Variants in SLC24A2 observed in about 807,000 individuals in gnomAD.
SLC24A2 encodes solute carrier family 24 member 2.
A neutral mutation model predicts 62.0 loss-of-function variants in SLC24A2; 36 were observed. The ratio of observed to expected loss-of-function variants is 0.58; its 90% CI spans 0.44 to 0.77. SLC24A2 has a LOEUF of 0.77. Ranked by LOEUF, SLC24A2 falls within the 30% of genes least tolerant of loss-of-function variation. The pLI, the probability that SLC24A2 is intolerant of heterozygous loss-of-function variation, is 0.00. For missense variants in SLC24A2, 846 were observed against 817.9 expected (o/e 1.03, Z -0.42); for synonymous variants, 358 against 294.0 (o/e 1.22, Z -2.23).
chr9:20,213,369 A>G, the SLC24A2 span, among the ~76,000 whole-genome samples: 1 of 151,758 alleles, frequency 6.6e-6, no homozygotes, highest in Non-Finnish European at 1.5e-5. Flanking sequence ...TGTTTTCATT[A>G]TTAAGCAAGA....
the SLC24A2 span, among the ~76,000 whole-genome samples, chr9:20,305,360 C>T: frequency 2.6e-5 from 4 of 152,108 alleles, no homozygotes; most frequent in Non-Finnish European, 5.9e-5. Flanking sequence ...CCCCCTCGGC[C>T]TCCCAAAGTG....
intron 2 of SLC24A2, among the ~76,000 whole-genome samples, chr9:19,669,571 C>T (rs1213981688): frequency 6.6e-6 from 1 of 152,222 alleles, no homozygotes; most frequent in Non-Finnish European, 1.5e-5. Context: ...AAAGTCTCTG[C>T]AGGGCTGATA....
intron 2 of SLC24A2, among the ~76,000 whole-genome samples, chr9:19,643,748 C>T (rs1818567582): frequency 6.6e-6 from 1 of 152,200 alleles, no homozygotes; most frequent in African/African-American, 2.4e-5. Flanking sequence ...TCTCTATTAA[C>T]TTGTTGCTTA....
the SLC24A2 span, among the ~76,000 whole-genome samples, chr9:19,894,060 A>G: frequency 6.6e-6 from 1 of 152,236 alleles, no homozygotes; most frequent in Non-Finnish European, 1.5e-5. Context: ...ACTGATAAAC[A>G]TAATCTATTC....
At position 19,786,639 on chromosome 9, in the gene SLC24A2, A is replaced by C. The variant is rs1404235261; in HGVS notation, c.228T>G (p.Pro76=). The change falls in exon 2 of 11, where the codon CCT becomes CCG. Residue 76 remains proline, a synonymous_variant. Coordinates refer to ENST00000341998, the MANE Select transcript of SLC24A2 (RefSeq NM_020344.4). The surrounding 1 kb of genome is among the most constrained non-coding windows in gnomAD (Gnocchi z 5.0). ...STGEASVVSG[P]RVAQGYHQRT... ...TCTGATGGTAACCCTGTGCTACCCT[A>C]GGGCCACTTACAACACTGGCCTCTC... 1.2e-6 allele frequency: 2 copies of C among 1,614,114 alleles called. No homozygotes were observed. The highest frequency in any genetic ancestry group is 2.2e-5 in the South Asian group (2 of 91,078).
the SLC24A2 span, among the ~76,000 whole-genome samples, chr9:20,076,981 T>C: frequency 6.6e-6 from 1 of 150,426 alleles, no homozygotes; most frequent in African/African-American, 2.4e-5. Flanking sequence ...AAAAGGGGGT[T>C]CTACCATTTG....
chr9:19,949,653 G>A, the SLC24A2 span, among the ~76,000 whole-genome samples: 1 of 152,212 alleles, frequency 6.6e-6, no homozygotes, highest in Non-Finnish European at 1.5e-5. Context: ...TTTGGCTAAT[G>A]AGTAGTGTAC....
At chr9:19,568,367 AG>A (rs1385897941) in intron 7 of SLC24A2, among the ~76,000 whole-genome samples, 2 of 152,200 alleles carry the variant, frequency 1.3e-5, no homozygotes. Context: ...TGGCTCAGAA[AG>A]GACTCTCAAA....
rs75384786 is a variant in SLC24A2 at position 19,586,572 on chromosome 9, T to C, written c.1130-9550A>G. Among the ~76,000 whole-genome samples, 104 of 152,226 alleles carry C rather than the reference T, an allele frequency of 6.8e-4. 5 individuals carry two copies. In the East Asian group the frequency reaches 0.019, roughly 27 times the overall value. On this transcript the variant is annotated intron_variant, in intron 5 of 10. Transcript: ENST00000341998. ...AGACTAATAGTGTTTATAATTAATG[T>C]TTATTTTAATACCCCCTCCCTTTTT... is the stretch of plus-strand genomic sequence containing the variant.
chr9:19,623,562 G>T (rs1316636983), intron 2 of SLC24A2, among the ~76,000 whole-genome samples: 1 of 152,112 alleles, frequency 6.6e-6, no homozygotes, highest in African/African-American at 2.4e-5. Context: ...CAAATTATTT[G>T]CTATGTGCCA....
the SLC24A2 span, among the ~76,000 whole-genome samples, chr9:19,977,023 G>A: frequency 6.6e-6 from 1 of 152,062 alleles, no homozygotes; most frequent in African/African-American, 2.4e-5. Context: ...GGCCATGTCA[G>A]GAAAAAATAT....
At chr9:19,677,421 G>T (rs990109454) in intron 2 of SLC24A2, among the ~76,000 whole-genome samples, 4 of 152,154 alleles carry the variant, frequency 2.6e-5, no homozygotes, top group African/African-American at 9.7e-5. Flanking sequence ...CACACAGTGG[G>T]GTCTATCAGA....
chr9:19,685,182 A>C (rs1819844184), intron 2 of SLC24A2, among the ~76,000 whole-genome samples: 1 of 152,126 alleles, frequency 6.6e-6, no homozygotes, highest in African/African-American at 2.4e-5. Context: ...AGAAGAAAAT[A>C]CCTAGGAACA....
intron 2 of SLC24A2, among the ~76,000 whole-genome samples, chr9:19,653,261 G>A (rs914279485): frequency 6.6e-6 from 1 of 152,200 alleles, no homozygotes; most frequent in African/African-American, 2.4e-5. Flanking sequence ...ACTCTCCTGT[G>A]TGCTGTAGCT....
At chr9:19,921,289 C>T in the SLC24A2 span, among the ~76,000 whole-genome samples, 6 of 151,948 alleles carry the variant, frequency 3.9e-5, no homozygotes, top group South Asian at 4.2e-4. Context: ...TTTGGGAGGC[C>T]GAGGTGGGCG....
the SLC24A2 span, among the ~76,000 whole-genome samples, chr9:20,096,570 C>A: frequency 6.6e-6 from 1 of 152,044 alleles, no homozygotes; most frequent in Non-Finnish European, 1.5e-5. Context: ...GGCATTTTAT[C>A]TCTGAATCTC....
At chr9:19,582,311 T>G (rs1188299081) in intron 5 of SLC24A2, among the ~76,000 whole-genome samples, 1 of 152,192 alleles carries the variant, frequency 6.6e-6, no homozygotes, top group Non-Finnish European at 1.5e-5. Flanking sequence ...TGCTGTTAAT[T>G]AAAACAGCCC....
chr9:19,753,677 G>A (rs1412560427), intron 2 of SLC24A2, among the ~76,000 whole-genome samples: 1 of 152,072 alleles, frequency 6.6e-6, no homozygotes, highest in African/African-American at 2.4e-5. Context: ...CAAGCACACT[G>A]TTGGCCTACT....
intron 2 of SLC24A2, among the ~76,000 whole-genome samples, chr9:19,709,431 T>C (rs1820642993): frequency 6.6e-6 from 1 of 152,266 alleles, no homozygotes; most frequent in Non-Finnish European, 1.5e-5. Flanking sequence ...TTATAAATCA[T>C]GCCGTTATAA....
Sources: gnomAD v4.1 joint callset for allele counts (sites outside exome capture counted in the v4.1 genomes callset) on GRCh38, gnomAD v4.1.1 for gene constraint, Gnocchi (gnomAD v3.1) non-coding constraint, MANE v1.5 for transcripts, NCBI Gene and HGNC (gene_info 2026-07-23, HGNC 2026-07-21) for gene names.